Variants in PACSIN2 observed in about 807,000 individuals in gnomAD.
The protein encoded by PACSIN2 is protein kinase C and casein kinase substrate in neurons 2, also known as protein kinase C and casein kinase substrate in neurons protein 2.
Under a neutral mutation model 63.8 loss-of-function variants are expected in PACSIN2, and 25 were observed. The ratio of observed to expected loss-of-function variants is 0.39; its 90% CI spans 0.29 to 0.55. The LOEUF (loss-of-function observed/expected upper bound fraction) is 0.55, where lower values mean the gene tolerates loss of function less well. Ranked by LOEUF, PACSIN2 falls within the 20% of genes least tolerant of loss-of-function variation. The probability of loss-of-function intolerance (pLI) is 0.62; values close to 1 mark genes in which losing one functional copy is unlikely to be tolerated. For synonymous variants in PACSIN2, 255 were observed against 256.2 expected (o/e 1.00, Z 0.05); for missense variants, 518 against 646.9 (o/e 0.80, Z 2.16).
chr22:43,011,599 C>G (rs552631855), intron 1 of PACSIN2, among the ~76,000 whole-genome samples: 1 of 152,330 alleles, frequency 6.6e-6, no homozygotes, highest in South Asian at 2.1e-4. Flanking sequence ...CACAGACTTT[C>G]AAGGTATAGA....
intron 1 of PACSIN2, among the ~76,000 whole-genome samples, chr22:42,931,642 T>C (rs1359443419): frequency 1.3e-5 from 2 of 152,230 alleles, no homozygotes; most frequent in Non-Finnish European, 2.9e-5. Flanking sequence ...AATCCCCATG[T>C]GGTTTAAACT....
At chr22:42,949,213 C>T (rs1316538784) in intron 1 of PACSIN2, among the ~76,000 whole-genome samples, 2 of 151,934 alleles carry the variant, frequency 1.3e-5, no homozygotes, top group African/African-American at 4.8e-5. Flanking sequence ...ATAAAGGTGG[C>T]TGACCTACAC....
At chr22:42,888,418 G>A (rs1929647692) in intron 5 of PACSIN2, among the ~76,000 whole-genome samples, 1 of 152,218 alleles carries the variant, frequency 6.6e-6, no homozygotes, top group Admixed American at 6.5e-5. Context: ...CCCCTGGCTT[G>A]CCCAGAGCCT....
intron 2 of PACSIN2, among the ~76,000 whole-genome samples, chr22:42,908,917 AC>A (rs1931264791): frequency 6.6e-6 from 1 of 151,420 alleles, no homozygotes; most frequent in African/African-American, 2.4e-5. Flanking sequence ...CTGCTCTCAT[AC>A]TCCATAAGCA....
At chr22:42,877,452 G>C (rs1928730917) in intron 8 of PACSIN2, among the ~76,000 whole-genome samples, 1 of 152,146 alleles carries the variant, frequency 6.6e-6, no homozygotes, top group African/African-American at 2.4e-5. Flanking sequence ...GTGGGAGAGG[G>C]CTCTGAGCTC....
chr22:42,923,429 CT>C (rs1013837724), intron 1 of PACSIN2, among the ~76,000 whole-genome samples: 3 of 151,896 alleles, frequency 2.0e-5, no homozygotes, highest in Non-Finnish European at 4.4e-5. Flanking sequence ...CCTTCTTCTT[CT>C]TTTTTTTATT....
intron 1 of PACSIN2, among the ~76,000 whole-genome samples, chr22:42,994,851 G>A (rs879824286): frequency 1.2e-4 from 18 of 152,208 alleles, no homozygotes; most frequent in African/African-American, 3.6e-4. Context: ...CAGCCTCGCA[G>A]CCAGCGAATG....
intron 1 of PACSIN2, among the ~76,000 whole-genome samples, chr22:42,964,075 C>A (rs1252003583): frequency 6.6e-6 from 1 of 152,162 alleles, no homozygotes; most frequent in Admixed American, 6.5e-5. Flanking sequence ...AGCTATCATC[C>A]CTCTATTCCC....
chr22:43,007,426 G>A (rs1276524416), intron 1 of PACSIN2, among the ~76,000 whole-genome samples: 1 of 152,112 alleles, frequency 6.6e-6, no homozygotes, highest in African/African-American at 2.4e-5. Flanking sequence ...ATGTTGGCCA[G>A]GCTGGTCTCA....
chr22:42,926,941 G>A (rs986036417), intron 1 of PACSIN2, among the ~76,000 whole-genome samples: 1 of 151,996 alleles, frequency 6.6e-6, no homozygotes, highest in Non-Finnish European at 1.5e-5. Flanking sequence ...TGGGCTCCTC[G>A]GCAGCTCTGA....
At chr22:42,988,077 C>A (rs913930130) in intron 1 of PACSIN2, among the ~76,000 whole-genome samples, 1 of 152,062 alleles carries the variant, frequency 6.6e-6, no homozygotes. Context: ...GTGGAGGTTG[C>A]TGTGAGCCGA....
intron 1 of PACSIN2, among the ~76,000 whole-genome samples, chr22:42,969,108 TATAC>T (rs1241789723): frequency 6.6e-6 from 1 of 152,142 alleles, no homozygotes; most frequent in Non-Finnish European, 1.5e-5. Context: ...ACGTAGTAAG[TATAC>T]ATCTAAAGCC....
chr22:42,946,393 A>G (rs1167495314), intron 1 of PACSIN2, among the ~76,000 whole-genome samples: 1 of 152,166 alleles, frequency 6.6e-6, no homozygotes, highest in African/African-American at 2.4e-5. Context: ...GGAGGCACAC[A>G]TTGGCCTCTG....
chr22:43,004,607 C>G (rs527335877), intron 1 of PACSIN2, among the ~76,000 whole-genome samples: 13 of 152,276 alleles, frequency 8.5e-5, no homozygotes, highest in African/African-American at 2.4e-4. Flanking sequence ...GATCTTGGCA[C>G]GCTCGGTTGG....
chr22:42,967,183 G>A (rs1920970242), intron 1 of PACSIN2, among the ~76,000 whole-genome samples: 2 of 152,108 alleles, frequency 1.3e-5, no homozygotes, highest in Admixed American at 1.3e-4. Flanking sequence ...AAGATGCCCA[G>A]GAAGGCTGGA....
chr22:42,900,676 G>A (rs367591686), intron 2 of PACSIN2, among the ~76,000 whole-genome samples: 46 of 152,100 alleles, frequency 3.0e-4, no homozygotes, highest in African/African-American at 1.1e-3. Flanking sequence ...TTCTTACTAT[G>A]TTGCCAGGGC....
intron 9 of PACSIN2, 60 bp downstream of exon 9, chr22:42,876,828 G>GAC: frequency 6.2e-7 from 1 of 1,609,404 alleles, no homozygotes; most frequent in African/African-American, 1.3e-5. Flanking sequence ...CCTGGACAGA[G>GAC]AGAGAGGAAG....
At chr22:43,003,597 T>C (rs1923906393) in intron 1 of PACSIN2, among the ~76,000 whole-genome samples, 1 of 152,176 alleles carries the variant, frequency 6.6e-6, no homozygotes, top group Non-Finnish European at 1.5e-5. Flanking sequence ...AGCAAGACTC[T>C]GTCTCAAAAT....
At chr22:42,872,140 T>C (rs1350667433) in intron 10 of PACSIN2, among the ~76,000 whole-genome samples, 1 of 152,224 alleles carries the variant, frequency 6.6e-6, no homozygotes, top group African/African-American at 2.4e-5. Context: ...GACCTCCTAC[T>C]TCTGGCCAGG....
Sources: gnomAD v4.1 joint callset for allele counts (sites outside exome capture counted in the v4.1 genomes callset) on GRCh38, gnomAD v4.1.1 for gene constraint, MANE v1.5 for transcripts, NCBI Gene and HGNC (gene_info 2026-07-23, HGNC 2026-07-21) for gene names.